Variants in SYNPR observed in about 807,000 individuals in gnomAD.
SYNPR encodes the protein synaptoporin.
A neutral mutation model predicts 32.9 loss-of-function variants in SYNPR; 23 were observed. The ratio of observed to expected loss-of-function variants is 0.70; its 90% CI spans 0.50 to 0.99. The LOEUF (loss-of-function observed/expected upper bound fraction) is 0.99. Among genes scored for constraint, SYNPR ranks in the 50% least tolerant of loss-of-function variants. SYNPR has a pLI of 0.00. For missense variants in SYNPR, 318 were observed against 349.3 expected (o/e 0.91, Z 0.71); for synonymous variants, 146 against 135.9 (o/e 1.07, Z -0.52).
chr3:63,408,162 G>GAAAGAAAGA (rs758903465), intron 2 of SYNPR, among the ~76,000 whole-genome samples: 2 of 94,360 alleles, frequency 2.1e-5, no homozygotes, highest in African/African-American at 9.8e-5. Flanking sequence ...AAGAAAGAAA[G>GAAAGAAAGA]AAAGAAAGAA....
intron 2 of SYNPR, among the ~76,000 whole-genome samples, chr3:63,388,877 A>C (rs1374836527): frequency 1.3e-5 from 2 of 152,176 alleles, no homozygotes; most frequent in Non-Finnish European, 2.9e-5. Flanking sequence ...ACTTGCTCAC[A>C]CAACACAAAT....
chr3:63,211,655 G>A, the SYNPR span, among the ~76,000 whole-genome samples: 2 of 151,860 alleles, frequency 1.3e-5, no homozygotes, highest in African/African-American at 4.8e-5. Context: ...CCCAGGGTCT[G>A]TAATGAAGCA....
intron 3 of SYNPR, among the ~76,000 whole-genome samples, chr3:63,514,529 T>C (rs1701759106): frequency 6.6e-6 from 1 of 152,188 alleles, no homozygotes; most frequent in Non-Finnish European, 1.5e-5. Context: ...TCTAGGCAGA[T>C]AAACAGCTTG....
intron 2 of SYNPR, among the ~76,000 whole-genome samples, chr3:63,395,083 G>A (rs1231342917): frequency 6.6e-6 from 1 of 151,860 alleles, no homozygotes; most frequent in African/African-American, 2.4e-5. Context: ...TTACTTCAGG[G>A]CCTGACTACT....
chr3:63,259,070 G>C (rs1209335536), intron 2 of SYNPR, among the ~76,000 whole-genome samples: 1 of 152,118 alleles, frequency 6.6e-6, no homozygotes, highest in East Asian at 1.9e-4. Flanking sequence ...CTGACATTGA[G>C]GCAATAATTA....
At chr3:63,463,365 A>G (rs140692438) in intron 2 of SYNPR, among the ~76,000 whole-genome samples, 65 of 152,298 alleles carry the variant, frequency 4.3e-4, no homozygotes, top group African/African-American at 1.4e-3. Flanking sequence ...AAAGGACCTG[A>G]TTTATGGTAA....
intron 4 of SYNPR, among the ~76,000 whole-genome samples, chr3:63,578,561 G>T (rs886943421): frequency 1.3e-5 from 2 of 152,002 alleles, no homozygotes; most frequent in Admixed American, 1.3e-4. Flanking sequence ...ATATTTTACG[G>T]ATAAATAGAA....
At chr3:63,609,752 CA>C (rs1055119071) in intron 5 of SYNPR, among the ~76,000 whole-genome samples, 4 of 151,780 alleles carry the variant, frequency 2.6e-5, no homozygotes, top group East Asian at 1.9e-4. Context: ...ACTAAAAATA[CA>C]AAAAAAACTA....
intron 4 of SYNPR, among the ~76,000 whole-genome samples, chr3:63,575,541 G>A (rs1702962490): frequency 6.6e-6 from 1 of 152,182 alleles, no homozygotes; most frequent in South Asian, 2.1e-4. Flanking sequence ...AAGCTGTAGT[G>A]AAGGTTTCTT....
rs1003145730 is a variant in SYNPR at position 63,353,224 on chromosome 3, G to A, written c.84+74482G>A. Among the ~76,000 whole-genome samples, 11 of 152,216 alleles carry A rather than the reference G, an allele frequency of 7.2e-5. 1 individual carries two copies. Among genetic ancestry groups the A allele is most frequent in the Admixed American group, 2.6e-4 (4 of 15,288 alleles). On this transcript the variant is annotated intron_variant, in intron 2 of 5. Transcript: ENST00000478300. ...GCACTGGTGATACACTGATAAACAG[G>A]AGAGGATAATTTTGTAAGAAAAACA...
chr3:63,605,158 G>T (rs2106897899), intron 4 of SYNPR, among the ~76,000 whole-genome samples: 1 of 152,292 alleles, frequency 6.6e-6, no homozygotes, highest in South Asian at 2.1e-4. Flanking sequence ...TGTGAAAAGT[G>T]CTGAGCAAAA....
intron 2 of SYNPR, among the ~76,000 whole-genome samples, chr3:63,299,234 G>C (rs1481983805): frequency 6.6e-6 from 1 of 152,158 alleles, no homozygotes; most frequent in Admixed American, 6.6e-5. Context: ...ATGAGGGATA[G>C]GGAGAGGGAG....
At chr3:63,278,275 T>G, upstream of SYNPR, 9 of 477,804 alleles carry the variant, frequency 1.9e-5, no homozygotes, top group Admixed American at 7.4e-5. Context: ...CCCTCCCCTG[T>G]TGTATCTACC....
intron 4 of SYNPR, among the ~76,000 whole-genome samples, chr3:63,571,927 G>T (rs1376442802): frequency 6.6e-6 from 1 of 152,132 alleles, no homozygotes; most frequent in East Asian, 1.9e-4. Flanking sequence ...TTGAAGGTAG[G>T]ACTGGTTTTG....
chr3:63,365,039 T>C (rs928602835), intron 2 of SYNPR, among the ~76,000 whole-genome samples: 1 of 152,098 alleles, frequency 6.6e-6, no homozygotes, highest in African/African-American at 2.4e-5. Context: ...CCTGCACAAG[T>C]CCACGAAAAG....
chr3:63,613,842 A>G (rs1029395074), intron 5 of SYNPR, among the ~76,000 whole-genome samples: 1 of 152,176 alleles, frequency 6.6e-6, no homozygotes, highest in African/African-American at 2.4e-5. Context: ...TGAAGTCTAC[A>G]GACTAAATGC....
intron 2 of SYNPR, among the ~76,000 whole-genome samples, chr3:63,475,681 T>C (rs1354432990): frequency 6.6e-6 from 1 of 152,142 alleles, no homozygotes; most frequent in Admixed American, 6.5e-5. Context: ...GAGATCTGTC[T>C]CTCTAGTTCC....
At position 63,615,428 on chromosome 3, in the gene SYNPR, G is replaced by T. The variant is rs1359750817; in HGVS notation, c.805G>T (p.Asp269Tyr). 15 of 1,613,932 alleles carry T rather than the reference G, an allele frequency of 9.3e-6. No individual in the cohort carries two copies. The highest frequency in any genetic ancestry group is 1.3e-5 in the Non-Finnish European group (15 of 1,179,866). ...SQQASLGPTS[D>Y]EFGQQPTGPT... is the part of the protein sequence containing the mutation. ...GCAGGCGAGTTTGGGGCCAACCTCA[G>T]ATGAGTTTGGCCAACAGCCTACTGG... The change falls in exon 6 of 6, where the codon GAT becomes TAT. Residue 269 changes from aspartate (D) to tyrosine (Y), a missense_variant. By Grantham distance (160) the Asp-to-Tyr change is radical. Coordinates refer to ENST00000478300, the MANE Select transcript of SYNPR (RefSeq NM_001130003.2).
At chr3:63,606,592 A>C (rs1198783571) in intron 4 of SYNPR, among the ~76,000 whole-genome samples, 1 of 151,486 alleles carries the variant, frequency 6.6e-6, no homozygotes, top group Non-Finnish European at 1.5e-5. Context: ...CACCATGTCC[A>C]GCTAAATTTT....
Sources: gnomAD v4.1 joint callset for allele counts (sites outside exome capture counted in the v4.1 genomes callset) on GRCh38, gnomAD v4.1.1 for gene constraint, MANE v1.5 for transcripts, NCBI Gene and HGNC (gene_info 2026-07-23, HGNC 2026-07-21) for gene names.